SCRN3: variants seen among roughly 807,000 people sequenced by gnomAD.
SCRN3 encodes the protein secernin 3.
A neutral mutation model predicts 43.1 loss-of-function variants in SCRN3; 39 were observed. The observed-to-expected ratio is 0.91, with a 90% CI of 0.70 to 1.18. SCRN3 has a LOEUF of 1.18. SCRN3 is among the 50% of genes most tolerant of loss of function. The pLI, the probability that SCRN3 is intolerant of heterozygous loss-of-function variation, is 0.00. For synonymous variants in SCRN3, 147 were observed against 163.1 expected (o/e 0.90, Z 0.75); for missense variants, 484 against 498.0 (o/e 0.97, Z 0.27).
intron 3 of SCRN3, 51 bp from the exon 4 acceptor site, chr2:174,400,939 A>C: frequency 1.4e-6 from 2 of 1,391,920 alleles, no homozygotes; most frequent in Non-Finnish European, 1.9e-6. Context: ...ATTATTTAAA[A>C]AAAATAATGG....
chr2:174,405,591 G>C (rs957050168), intron 5 of SCRN3, among the ~76,000 whole-genome samples: 2 of 140,586 alleles, frequency 1.4e-5, no homozygotes, highest in African/African-American at 5.0e-5. Flanking sequence ...ATGGTTTTAG[G>C]TCTAAAGTTT....
At chr2:174,421,383 CATT>C (rs1686288048) in intron 5 of SCRN3, among the ~76,000 whole-genome samples, 1 of 152,298 alleles carries the variant, frequency 6.6e-6, no homozygotes, top group African/African-American at 2.4e-5. Context: ...ACTAGACAAA[CATT>C]GTTGAAAATA....
intron 6 of SCRN3, among the ~76,000 whole-genome samples, chr2:174,423,857 C>T (rs1203007108): frequency 1.4e-5 from 2 of 146,124 alleles, no homozygotes. Context: ...GTGGCACAGT[C>T]AGCATGCTGT....
At chr2:174,419,321 C>T (rs564450975) in intron 5 of SCRN3, among the ~76,000 whole-genome samples, 20 of 152,108 alleles carry the variant, frequency 1.3e-4, no homozygotes, top group African/African-American at 4.8e-4. Context: ...CATGGAAATA[C>T]AATAATTAAA....
chr2:174,410,253 C>G (rs1222892310), intron 5 of SCRN3: 3 of 136,640 alleles, frequency 2.2e-5, no homozygotes, highest in Non-Finnish European at 4.8e-5. Context: ...TTCTTTGACT[C>G]GGAAAGGGAA....
chr2:174,423,296 A>G (rs1001067100), intron 6 of SCRN3, among the ~76,000 whole-genome samples: 6 of 152,230 alleles, frequency 3.9e-5, no homozygotes, highest in African/African-American at 1.4e-4. Flanking sequence ...TAGATTTAAC[A>G]TAGTCAAGAA....
intron 5 of SCRN3, among the ~76,000 whole-genome samples, chr2:174,418,760 A>G (rs557300121): frequency 3.0e-4 from 46 of 152,178 alleles, no homozygotes; most frequent in Admixed American, 3.0e-3. Context: ...TGTTGAAACT[A>G]TGTGCCTGAT....
At chr2:174,422,633 C>T (rs1489710524) in intron 5 of SCRN3, among the ~76,000 whole-genome samples, 13 of 144,138 alleles carry the variant, frequency 9.0e-5, no homozygotes, top group African/African-American at 3.2e-4. Context: ...GTTATTAATT[C>T]CTTTTTCTAG....
chr2:174,406,719 T>C (rs1384799338), intron 5 of SCRN3, among the ~76,000 whole-genome samples: 1 of 138,088 alleles, frequency 7.2e-6, no homozygotes, highest in Non-Finnish European at 1.6e-5. Context: ...GAGATAATCA[T>C]GTGGTTTTTG....
chr2:174,411,090 T>G (rs1307359607), intron 5 of SCRN3, among the ~76,000 whole-genome samples: 1 of 152,132 alleles, frequency 6.6e-6, no homozygotes, highest in Non-Finnish European at 1.5e-5. Flanking sequence ...GAGTTTAGGA[T>G]GGAACTGAGC....
intron 3 of SCRN3, 105 bp from the exon 4 acceptor site, chr2:174,400,885 G>C: frequency 1.0e-6 from 1 of 971,710 alleles, no homozygotes; most frequent in Admixed American, 2.9e-5. Flanking sequence ...CTGTTAACTT[G>C]GAAGAAATTT....
In SCRN3 at chr2:174,427,866, T is replaced by A. The variant is rs1559087108; in HGVS notation, c.1246T>A (p.Ser416Thr). ...CTKDEIQIYQ[S>T]NLSVKVSS ...AAAAGATGAAATTCAAATTTATCAG[T>A]CAAATTTATCAGTCAAAGTTAGTTC... Residue 416 changes from serine (S) to threonine (T), a missense_variant, in exon 8 of 8, where the codon TCA becomes ACA. Coordinates refer to ENST00000272732, the MANE Select transcript of SCRN3 (RefSeq NM_024583.5). 6.6e-7 allele frequency: 1 copy of A among 1,513,172 alleles called. No individual in the cohort carries two copies. The highest frequency in any genetic ancestry group is 2.3e-5 in the East Asian group (1 of 42,642). 93.7% of individuals were successfully genotyped at this position (1,513,172 alleles called of 1,614,324 possible). A position where few individuals can be genotyped will look rare whatever the true frequency, so the allele number is the denominator to read the frequency against.
rs373912440 is a variant in SCRN3, at chr2:174,402,402, T to A, written c.541+1213T>A. 2.0e-5 allele frequency among the ~76,000 whole-genome samples: 3 copies of A among 152,142 alleles called. No homozygotes were observed. The East Asian group carries it at 5.8e-4, about 29-fold the overall frequency. ...GGGAATTATTTATTAGATGGAAAAT[T>A]ATTGGCTGGGCATGGTGGCTCATGC... On this transcript the variant is annotated intron_variant, in intron 4 of 7. Transcript: ENST00000272732.
At chr2:174,399,791 A>C in intron 2 of SCRN3, 131 bp from the exon 3 acceptor site, 1 of 554,720 alleles carries the variant, frequency 1.8e-6, no homozygotes, top group Non-Finnish European at 2.8e-6. Flanking sequence ...TGAAAATTTC[A>C]ATTTACTTAT....
intron 5 of SCRN3, among the ~76,000 whole-genome samples, chr2:174,417,673 G>A (rs934362957): frequency 2.0e-5 from 3 of 152,168 alleles, no homozygotes; most frequent in Non-Finnish European, 2.9e-5. Context: ...AATTACAGGC[G>A]TCAGCCGCCG....
chr2:174,397,987 G>C (rs1685379854), intron 1 of SCRN3, among the ~76,000 whole-genome samples: 1 of 152,100 alleles, frequency 6.6e-6, no homozygotes, highest in Admixed American at 6.6e-5. Context: ...GAACAGCCAA[G>C]CACGGTCACT....
intron 5 of SCRN3, among the ~76,000 whole-genome samples, chr2:174,419,249 G>C (rs948465759): frequency 1.3e-5 from 2 of 152,132 alleles, no homozygotes; most frequent in African/African-American, 4.8e-5. Flanking sequence ...TGAGAGAGAG[G>C]AAGGAGATAC....
rs1180611161 is a variant in SCRN3 at position 174,423,048 on chromosome 2, G to A, written c.917+1G>A. 4 of 1,611,090 alleles carry A rather than the reference G, an allele frequency of 2.5e-6. No individual in the cohort carries two copies. The highest frequency in any genetic ancestry group is 3.4e-6 in the Non-Finnish European group (4 of 1,178,252). On this transcript the variant is annotated splice_donor_variant, in intron 6 of 7. Transcript: ENST00000272732. LOFTEE classifies it high-confidence loss of function. Reference sequence around the variant, plus strand: ...TTACAGGGACTCCTGATCCTGAGAGGTGAAGCCACAAAATACTATAAACCA... The same window carrying A: ...TTACAGGGACTCCTGATCCTGAGAGATGAAGCCACAAAATACTATAAACCA...
chr2:174,420,614 G>T (rs557265333), intron 5 of SCRN3, among the ~76,000 whole-genome samples: 1 of 152,192 alleles, frequency 6.6e-6, no homozygotes, highest in Middle Eastern at 3.4e-3. Context: ...ATTTCATCAG[G>T]GAACTGGAGT....
Sources: gnomAD v4.1 joint callset for allele counts (sites outside exome capture counted in the v4.1 genomes callset) on GRCh38, gnomAD v4.1.1 for gene constraint, MANE v1.5 for transcripts, NCBI Gene and HGNC (gene_info 2026-07-23, HGNC 2026-07-21) for gene names.